Variants in LRRC37A2 observed in about 807,000 individuals in gnomAD.
LRRC37A2 encodes the protein leucine rich repeat containing 37 member A2, also known as leucine-rich repeat-containing protein 37A2.
A neutral mutation model predicts 68.8 loss-of-function variants in LRRC37A2; 9 were observed. The observed-to-expected ratio is 0.13, with a 90% CI of 0.08 to 0.23. LRRC37A2 has a LOEUF of 0.23. Among genes scored for constraint, LRRC37A2 ranks in the 10% least tolerant of loss-of-function variants. The pLI, the probability that LRRC37A2 is intolerant of heterozygous loss-of-function variation, is 1.00. For missense variants in LRRC37A2, 168 were observed against 950.4 expected (o/e 0.18, Z 10.82); for synonymous variants, 63 against 367.6 (o/e 0.17, Z 9.48).
the LRRC37A2 span, among the ~76,000 whole-genome samples, chr17:47,020,504 G>T: frequency 6.6e-6 from 1 of 151,182 alleles, no homozygotes; most frequent in Non-Finnish European, 1.5e-5. Flanking sequence ...AAGAGGCTGG[G>T]TGTGGTGGCT....
the LRRC37A2 span, chr17:46,978,494 C>T: frequency 4.4e-6 from 4 of 900,750 alleles, no homozygotes; most frequent in Non-Finnish European, 3.2e-6. Context: ...CCCGCGCCCC[C>T]GCCGACAGTC....
At chr17:46,996,259 C>T in the LRRC37A2 span, among the ~76,000 whole-genome samples, 4 of 152,160 alleles carry the variant, frequency 2.6e-5, no homozygotes, top group African/African-American at 9.7e-5. Flanking sequence ...AGATATTTAC[C>T]AAGCATCTGT....
chr17:46,550,972 A>C (rs1366303399), intron 11 of LRRC37A2, among the ~76,000 whole-genome samples: 2 of 149,580 alleles, frequency 1.3e-5, no homozygotes, highest in Admixed American at 6.6e-5. Context: ...AGATTTACAC[A>C]GTATCGTCCT....
At chr17:46,835,338 A>G in the LRRC37A2 span, among the ~76,000 whole-genome samples, 1 of 151,998 alleles carries the variant, frequency 6.6e-6, no homozygotes, top group Non-Finnish European at 1.5e-5. Flanking sequence ...CAGCCTCCCG[A>G]GTAGCTGGGA....
chr17:46,876,668 G>A, the LRRC37A2 span: 7 of 1,595,004 alleles, frequency 4.4e-6, no homozygotes, highest in Non-Finnish European at 6.0e-6. Flanking sequence ...CTGCTACGTG[G>A]AGTGCCAGCA....
chr17:46,534,678 G>A (rs1163410237), intron 6 of LRRC37A2, among the ~76,000 whole-genome samples: 5 of 149,686 alleles, frequency 3.3e-5, no homozygotes, highest in Non-Finnish European at 7.4e-5. Context: ...AACCACCATC[G>A]TCATCATGGC....
chr17:46,785,789 G>A, the LRRC37A2 span, among the ~76,000 whole-genome samples: 4 of 152,098 alleles, frequency 2.6e-5, no homozygotes, highest in Non-Finnish European at 4.4e-5. Context: ...AAGAGGCTGC[G>A]GGCCCTGTGC....
chr17:47,004,194 C>T, the LRRC37A2 span, among the ~76,000 whole-genome samples: 1 of 152,126 alleles, frequency 6.6e-6, no homozygotes, highest in Non-Finnish European at 1.5e-5. Context: ...TGTGCATGCG[C>T]CTTTATAGCA....
chr17:46,831,706 A>C, the LRRC37A2 span: 1 of 152,296 alleles, frequency 6.6e-6, no homozygotes, highest in Non-Finnish European at 1.5e-5. Context: ...CCTCCAGTGA[A>C]GAGCCACAGA....
At chr17:46,836,211 AC>A in the LRRC37A2 span, among the ~76,000 whole-genome samples, 6 of 146,940 alleles carry the variant, frequency 4.1e-5, no homozygotes, top group African/African-American at 1.5e-4. Flanking sequence ...TTGAACCCTT[AC>A]CCCCTTTCCA....
the LRRC37A2 span, among the ~76,000 whole-genome samples, chr17:46,787,959 A>G: frequency 7.7e-6 from 1 of 129,520 alleles, no homozygotes; most frequent in Non-Finnish European, 1.6e-5. Flanking sequence ...CTGCCTCAGA[A>G]AAAAAAAAAA....
the LRRC37A2 span, among the ~76,000 whole-genome samples, chr17:46,986,142 G>A: frequency 6.6e-6 from 1 of 152,166 alleles, no homozygotes; most frequent in African/African-American, 2.4e-5. Context: ...TGGGGCAAGG[G>A]GGGGATGCGG....
the LRRC37A2 span, among the ~76,000 whole-genome samples, chr17:46,504,925 TA>T: frequency 8.3e-6 from 1 of 120,014 alleles, no homozygotes; most frequent in African/African-American, 3.5e-5. Context: ...ATTTATTTAA[TA>T]AATTGATTTA....
At chr17:46,658,034 G>T in the LRRC37A2 span, among the ~76,000 whole-genome samples, 1 of 44,258 alleles carries the variant, frequency 2.3e-5, no homozygotes. Context: ...CTCAGTCTTT[G>T]GTGTGTATCA....
chr17:47,008,900 A>G, the LRRC37A2 span, among the ~76,000 whole-genome samples: 1 of 152,182 alleles, frequency 6.6e-6, no homozygotes, highest in Non-Finnish European at 1.5e-5. Context: ...GACTGTTTTA[A>G]TCCTTACATG....
chr17:46,739,790 C>T, the LRRC37A2 span, among the ~76,000 whole-genome samples: 2 of 151,866 alleles, frequency 1.3e-5, no homozygotes, highest in African/African-American at 2.4e-5. Context: ...CCTCTGCCTC[C>T]CGGGTTCAAG....
chr17:46,755,627 T>C, the LRRC37A2 span: 2 of 715,840 alleles, frequency 2.8e-6, no homozygotes, highest in East Asian at 2.7e-5. Context: ...TGCTTTTACA[T>C]GCATGGAGCT....
At chr17:46,799,265 A>G in the LRRC37A2 span, among the ~76,000 whole-genome samples, 1 of 152,076 alleles carries the variant, frequency 6.6e-6, no homozygotes, top group Non-Finnish European at 1.5e-5. Context: ...TGGTTGGGAC[A>G]AACCAACATA....
At chr17:46,922,236 A>G in the LRRC37A2 span, among the ~76,000 whole-genome samples, 1 of 152,220 alleles carries the variant, frequency 6.6e-6, no homozygotes, top group African/African-American at 2.4e-5. Flanking sequence ...CGCAAGGACA[A>G]AAAAACAAAC....
Sources: allele counts gnomAD v4.1 joint callset (sites outside exome capture counted in the v4.1 genomes callset), GRCh38; gene constraint gnomAD v4.1.1; transcripts MANE v1.5; gene names NCBI Gene and HGNC (gene_info 2026-07-23, HGNC 2026-07-21).